PIGK: variants seen among roughly 807,000 people sequenced by gnomAD.
PIGK encodes GPI-anchor transamidase.
A neutral mutation model predicts 50.6 loss-of-function variants in PIGK; 42 were observed. The observed-to-expected ratio is 0.83, with a 90% confidence interval of 0.65 to 1.07. The LOEUF is 1.07. Among genes scored for constraint, PIGK ranks in the 50% least tolerant of loss-of-function variants. The probability of loss-of-function intolerance (pLI) is 0.00; values close to 1 mark genes in which losing one functional copy is unlikely to be tolerated. For missense variants in PIGK, 448 were observed against 488.7 expected, an observed-to-expected ratio of 0.92 and a Z score of 0.78; for synonymous variants, 151 against 156.0, an observed-to-expected ratio of 0.97 and a Z score of 0.24.
intron 1 of PIGK, among the ~76,000 whole-genome samples, chr1:77,216,050 T>C (rs72683942): frequency 0.037 from 5,617 of 152,228 alleles, 204 homozygotes; most frequent in South Asian, 0.21. Flanking sequence ...TAAACAATAA[T>C]TTATTATATT....
intron 10 of PIGK, among the ~76,000 whole-genome samples, chr1:77,120,068 TATAAGA>T (rs1290645677): frequency 1.3e-5 from 2 of 152,148 alleles, no homozygotes; most frequent in Non-Finnish European, 2.9e-5. Flanking sequence ...GTAGGTAAAG[TATAAGA>T]TTATTTCTCA....
At chr1:77,182,987 C>T (rs937798692) in intron 3 of PIGK, among the ~76,000 whole-genome samples, 6 of 152,146 alleles carry the variant, frequency 3.9e-5, no homozygotes, top group Admixed American at 1.3e-4. Context: ...GATTCTGTCT[C>T]CCGGCTTCAG....
At chr1:77,218,266 G>A (rs576471129) in intron 1 of PIGK, among the ~76,000 whole-genome samples, 1 of 152,318 alleles carries the variant, frequency 6.6e-6, no homozygotes. Flanking sequence ...AGAATAACCT[G>A]ATCAGGCTTA....
intron 3 of PIGK, chr1:77,195,071 A>G (rs918054085): frequency 2.1e-6 from 2 of 956,320 alleles, no homozygotes; most frequent in Non-Finnish European, 3.3e-6. Flanking sequence ...CACACTGCCC[A>G]TAGCAGGAAC....
At chr1:77,160,916 T>C (rs569545584) in intron 8 of PIGK, among the ~76,000 whole-genome samples, 1 of 152,176 alleles carries the variant, frequency 6.6e-6, no homozygotes, top group East Asian at 1.9e-4. Flanking sequence ...TGGTAAATGT[T>C]ACCAAGGAGA....
At chr1:77,165,091 A>G (rs1016570955) in intron 5 of PIGK, among the ~76,000 whole-genome samples, 10 of 152,096 alleles carry the variant, frequency 6.6e-5, no homozygotes, top group Non-Finnish European at 1.3e-4. Context: ...TGTTTCAATA[A>G]AACTTCCAAA....
At chr1:77,204,554 T>C (rs558637096) in intron 3 of PIGK, among the ~76,000 whole-genome samples, 81 of 152,256 alleles carry the variant, frequency 5.3e-4, no homozygotes, top group African/African-American at 1.7e-3. Context: ...AAATCCATAA[T>C]AAAAACTTGC....
intron 1 of PIGK, among the ~76,000 whole-genome samples, chr1:77,213,966 C>G (rs932817228): frequency 6.6e-6 from 1 of 152,150 alleles, no homozygotes; most frequent in African/African-American, 2.4e-5. Context: ...CACATACAAG[C>G]TACCATGACT....
At chr1:77,104,698 A>G (rs566852506) in intron 10 of PIGK, among the ~76,000 whole-genome samples, 1 of 152,310 alleles carries the variant, frequency 6.6e-6, no homozygotes, top group East Asian at 1.9e-4. Context: ...CTCGCAACAC[A>G]GGCACCCTGT....
intron 10 of PIGK, among the ~76,000 whole-genome samples, chr1:77,114,259 T>C (rs573662605): frequency 1.3e-5 from 2 of 152,236 alleles, no homozygotes; most frequent in East Asian, 1.9e-4. Flanking sequence ...AGATAGAAGA[T>C]CTTAGGCAAA....
At chr1:77,164,650 T>C (rs1307275392) in intron 5 of PIGK, among the ~76,000 whole-genome samples, 1 of 151,934 alleles carries the variant, frequency 6.6e-6, no homozygotes, top group Non-Finnish European at 1.5e-5. Context: ...AAAGTATCCC[T>C]CCCTTCCATT....
chr1:77,152,503 A>T (rs1255583748), intron 9 of PIGK, among the ~76,000 whole-genome samples: 2 of 152,044 alleles, frequency 1.3e-5, no homozygotes, highest in Non-Finnish European at 2.9e-5. Context: ...AGAAAAATGA[A>T]ATTACATCAA....
chr1:77,214,023 C>T (rs943148606), intron 1 of PIGK, among the ~76,000 whole-genome samples: 11 of 152,056 alleles, frequency 7.2e-5, no homozygotes, highest in South Asian at 2.1e-4. Flanking sequence ...CTGAGTAATG[C>T]GCTTGAAGCA....
At chr1:77,169,773 T>G (rs529707344) in intron 3 of PIGK, among the ~76,000 whole-genome samples, 1 of 152,354 alleles carries the variant, frequency 6.6e-6, no homozygotes, top group East Asian at 1.9e-4. Flanking sequence ...CTAAAGAAAC[T>G]GTCTTCCTTA....
chr1:77,132,991 T>C (rs1016134223), intron 9 of PIGK, among the ~76,000 whole-genome samples: 1 of 152,140 alleles, frequency 6.6e-6, no homozygotes, highest in African/African-American at 2.4e-5. Flanking sequence ...TGTGGCAAAT[T>C]GTGGTTTTCT....
intron 2 of PIGK, among the ~76,000 whole-genome samples, 188 bp downstream of exon 2, chr1:77,210,248 G>A (rs1291344196): frequency 6.6e-6 from 1 of 151,888 alleles, no homozygotes; most frequent in Admixed American, 6.6e-5. Flanking sequence ...CAGATATTCT[G>A]AGGACAAAGA....
At position 77,179,177 on chromosome 1, in the gene PIGK, G is replaced by A. The variant is rs1335746640; in HGVS notation, c.240-9782C>T. ...AGGAGGTACCCTCTACTCAGTCCTT[G>A]GTCCTACCTTTGCAAAACTCACTGT... On this transcript the variant is annotated intron_variant, in intron 3 of 10. Coordinates refer to ENST00000370812, the MANE Select transcript of PIGK (RefSeq NM_005482.3). 2.0e-5 allele frequency among the ~76,000 whole-genome samples: 3 copies of A among 152,124 alleles called. No individual in the cohort carries two copies. The East Asian group carries it at 5.8e-4, about 29-fold the overall frequency.
In PIGK at chr1:77,207,737, C is replaced by T. The variant is rs78085394; in HGVS notation, c.148-1006G>A. ...ATATATCTACCAAGTACAATCCCGG[C>T]TTCTATCACATGCCTGTGCCTTTAG... On this transcript the variant is annotated intron_variant, in intron 2 of 10. Transcript: ENST00000370812. 3.8e-3 allele frequency among the ~76,000 whole-genome samples: 571 copies of T among 152,158 alleles called. 5 individuals are homozygous for T. Among genetic ancestry groups the T allele is most frequent in the African/African-American group, 0.013 (541 of 41,508 alleles).
At chr1:77,214,397 A>C (rs1043350647) in intron 1 of PIGK, among the ~76,000 whole-genome samples, 2 of 152,178 alleles carry the variant, frequency 1.3e-5, no homozygotes, top group African/African-American at 4.8e-5. Flanking sequence ...AATGAAGGAC[A>C]AAAAACATAT....
Sources: gnomAD v4.1 joint callset for allele counts (sites outside exome capture counted in the v4.1 genomes callset) on GRCh38, gnomAD v4.1.1 for gene constraint, MANE v1.5 for transcripts, NCBI Gene and HGNC (gene_info 2026-07-23, HGNC 2026-07-21) for gene names.